Variants in TLK2 observed in about 807,000 individuals in gnomAD.
TLK2 encodes the protein tousled like kinase 2.
Under a neutral mutation model 117.3 loss-of-function variants are expected in TLK2, and 6 were observed. The observed-to-expected ratio is 0.05, with a 90% CI of 0.03 to 0.10. The LOEUF is 0.10. Among genes scored for constraint, TLK2 ranks in the 10% least tolerant of loss-of-function variants. The probability of loss-of-function intolerance (pLI) is 1.00; values close to 1 mark genes in which losing one functional copy is unlikely to be tolerated. For missense variants in TLK2, 299 were observed against 901.2 expected (o/e 0.33, Z 8.56); for synonymous variants, 257 against 316.7 (o/e 0.81, Z 2.00).
chr17:62,547,297 A>G (rs961962801), intron 7 of TLK2, among the ~76,000 whole-genome samples: 3 of 148,586 alleles, frequency 2.0e-5, no homozygotes, highest in African/African-American at 7.4e-5. Flanking sequence ...TATTTAGCTT[A>G]GTGGAATGAG....
chr17:62,544,933 A>T (rs2077793148), intron 7 of TLK2, among the ~76,000 whole-genome samples: 1 of 152,136 alleles, frequency 6.6e-6, no homozygotes, highest in African/African-American at 2.4e-5. Flanking sequence ...ATTATTCCTA[A>T]GTATTTATTC....
chr17:62,546,346 T>TTTTTTG (rs1028916680), intron 7 of TLK2, among the ~76,000 whole-genome samples: 2 of 57,360 alleles, frequency 3.5e-5, no homozygotes, highest in Admixed American at 2.0e-4. Flanking sequence ...TGTTGATTGT[T>TTTTTTG]TTTTTTTTTT....
intron 2 of TLK2, chr17:62,507,589 G>A (rs565801925): frequency 4.6e-5 from 7 of 152,112 alleles, no homozygotes; most frequent in Non-Finnish European, 8.8e-5. Flanking sequence ...CGTAACTTTT[G>A]TCTTCTGTTC....
chr17:62,597,626 A>G (rs867930378), intron 17 of TLK2, among the ~76,000 whole-genome samples: 3 of 152,198 alleles, frequency 2.0e-5, no homozygotes, highest in Admixed American at 6.5e-5. Flanking sequence ...TAATGAAGAC[A>G]AGGCTCAGTG....
intron 7 of TLK2, among the ~76,000 whole-genome samples, chr17:62,549,416 A>AAAAAAAAAAG (rs2078224522): frequency 3.1e-5 from 1 of 31,966 alleles, no homozygotes; most frequent in Non-Finnish European, 7.7e-5. Context: ...AAAAAAAAAA[A>AAAAAAAAAAG]AAAAAAAAAA....
chr17:62,551,344 A>G (rs575214710), intron 7 of TLK2, among the ~76,000 whole-genome samples: 2 of 152,354 alleles, frequency 1.3e-5, no homozygotes, highest in East Asian at 3.9e-4. Context: ...TTCTCAGAAT[A>G]TTGAATATTT....
intron 2 of TLK2, among the ~76,000 whole-genome samples, chr17:62,498,788 TTAG>T: frequency 6.6e-6 from 1 of 152,280 alleles, no homozygotes; most frequent in East Asian, 1.9e-4. Flanking sequence ...GAAAAGTGAG[TTAG>T]ACCTGTATGT....
At chr17:62,522,166 A>G in intron 3 of TLK2, 38 bp from the exon 4 acceptor site, 1 of 1,602,116 alleles carries the variant, frequency 6.2e-7, no homozygotes, top group Non-Finnish European at 8.5e-7. Context: ...TGAAAAATTT[A>G]CCAAAATGCT....
chr17:62,529,610 C>A (rs2076605010), intron 6 of TLK2, among the ~76,000 whole-genome samples: 1 of 152,146 alleles, frequency 6.6e-6, no homozygotes, highest in Non-Finnish European at 1.5e-5. Flanking sequence ...TATTTCCATT[C>A]TTAATACTGT....
intron 17 of TLK2, among the ~76,000 whole-genome samples, chr17:62,598,035 G>A (rs1342870383): frequency 6.6e-6 from 1 of 152,150 alleles, no homozygotes; most frequent in Non-Finnish European, 1.5e-5. Flanking sequence ...ACCCCAAAGA[G>A]GACTATAATT....
chr17:62,549,398 C>CAAAAAAAAAAAAA (rs777779302), intron 7 of TLK2, among the ~76,000 whole-genome samples: 2 of 37,100 alleles, frequency 5.4e-5, no homozygotes, highest in African/African-American at 1.0e-4. Context: ...GACTCCATCT[C>CAAAAAAAAAAAAA]AAAAAAAAAA....
At chr17:62,471,083 G>C (rs1225866566) in intron 1 of TLK2, 1 of 152,258 alleles carries the variant, frequency 6.6e-6, no homozygotes, top group African/African-American at 2.4e-5. Flanking sequence ...GTGGAGGTTG[G>C]TATTATTTAC....
chr17:62,541,957 G>A (rs2077567171), intron 7 of TLK2, among the ~76,000 whole-genome samples: 1 of 152,208 alleles, frequency 6.6e-6, no homozygotes, highest in African/African-American at 2.4e-5. Flanking sequence ...TATCAGGCTA[G>A]AGAATAAGAT....
At chr17:62,569,626 A>G (rs770808245) in intron 11 of TLK2, among the ~76,000 whole-genome samples, 110 of 151,664 alleles carry the variant, frequency 7.3e-4, no homozygotes, top group Admixed American at 1.4e-3. Flanking sequence ...AGTAGAGACG[A>G]GGTTTCACCA....
At chr17:62,595,018 A>G (rs1359138061) in intron 16 of TLK2, among the ~76,000 whole-genome samples, 1 of 152,114 alleles carries the variant, frequency 6.6e-6, no homozygotes, top group Non-Finnish European at 1.5e-5. Context: ...CTAGAGTGCC[A>G]TGGCGCAGTC....
In TLK2 at chr17:62,614,531, G is replaced by T. The variant is rs207476531; in HGVS notation, c.*1966G>T. On this transcript the variant is annotated 3_prime_UTR_variant, in exon 22 of 22. Coordinates refer to ENST00000346027, the MANE Select transcript of TLK2 (RefSeq NM_006852.6). ...TGATGACACATTTTCTAGGACCTTC[G>T]TTTGTTTTGTGGACCTGCCTCAGTC... The T allele has an allele frequency of 1.3e-5, 2 of 152,088 alleles. No homozygotes were observed. The highest frequency in any genetic ancestry group is 2.9e-5 in the Non-Finnish European group (2 of 68,038). The allele number at this position is 152,088 out of a possible 1,614,324, so 9.4% of individuals were successfully genotyped here.
chr17:62,554,470 T>C (rs911380444), intron 9 of TLK2, among the ~76,000 whole-genome samples: 2 of 152,116 alleles, frequency 1.3e-5, no homozygotes, highest in African/African-American at 4.8e-5. Context: ...GTAGTCTAGC[T>C]ACTTGGGAGG....
intron 2 of TLK2, among the ~76,000 whole-genome samples, chr17:62,497,000 C>CG (rs1311870602): frequency 6.7e-6 from 1 of 149,746 alleles, no homozygotes; most frequent in Non-Finnish European, 1.5e-5. Flanking sequence ...GGGACAGTGG[C>CG]GAGGCCCAGC....
chr17:62,600,614 TTATTC>T, intron 17 of TLK2, 32 bp from the exon 18 acceptor site: 2 of 1,556,570 alleles, frequency 1.3e-6, no homozygotes, highest in Non-Finnish European at 1.7e-6. Flanking sequence ...CTGCTTGCTC[TTATTC>T]CATGGTTAAA....
Sources: gnomAD v4.1 joint callset for allele counts (sites outside exome capture counted in the v4.1 genomes callset) on GRCh38, gnomAD v4.1.1 for gene constraint, MANE v1.5 for transcripts, NCBI Gene and HGNC (gene_info 2026-07-23, HGNC 2026-07-21) for gene names.